MTCL1: variants seen among roughly 807,000 people sequenced by gnomAD.
The protein encoded by MTCL1 is microtubule cross-linking factor 1.
In MTCL1, 79 loss-of-function variants were observed where a neutral mutation model predicts 141.4. The ratio of observed to expected loss-of-function variants is 0.56; its 90% confidence interval spans 0.47 to 0.67. The LOEUF (loss-of-function observed/expected upper bound fraction) is 0.67. Among genes scored for constraint, MTCL1 ranks in the 30% least tolerant of loss-of-function variants. The pLI is 0.00. For missense variants in MTCL1, 2,177 were observed against 2,113.9 expected (o/e 1.03, Z -0.59); for synonymous variants, 914 against 875.8 (o/e 1.04, Z -0.77).
At chr18:8,809,860 A>G (rs2076423751) in intron 11 of MTCL1, 3 of 427,716 alleles carry the variant, frequency 7.0e-6, no homozygotes, top group South Asian at 2.9e-5. Context: ...CTGAAGATGT[A>G]TATACCTGGG....
chr18:8,733,735 C>T (rs1264568511), intron 4 of MTCL1, among the ~76,000 whole-genome samples: 1 of 152,126 alleles, frequency 6.6e-6, no homozygotes, highest in Non-Finnish European at 1.5e-5. Context: ...TTGAGAACCT[C>T]AAGCATTGGC....
Position 8,784,847 on chromosome 18 carries a change from A to AGGGGGCTG in MTCL1, c.1731+11_1731+12insGGGGGGCT. 1 of 1,577,316 alleles carries AGGGGGCTG rather than the reference A, an allele frequency of 6.3e-7. No individual in the cohort carries two copies. Among genetic ancestry groups the AGGGGGCTG allele is most frequent in the Non-Finnish European group, 8.6e-7 (1 of 1,159,662 alleles). Reference sequence around the variant, plus strand: ...GGAGCTGGGCCCAGACTTGCAGGTAAGGGGGCTCGTGGCTTCGCCTCCCTG... The same window carrying AGGGGGCTG: ...GGAGCTGGGCCCAGACTTGCAGGTAAGGGGGCTGGGGGGCTCGTGGCTTCGCCTCCCTG... On this transcript the variant is annotated splice_donor_region_variant and intron_variant, in intron 6 of 16. Coordinates refer to ENST00000359865, the Ensembl canonical transcript of MTCL1.
At chr18:8,823,432 C>T (rs1397250408) in intron 14 of MTCL1, among the ~76,000 whole-genome samples, 2 of 152,140 alleles carry the variant, frequency 1.3e-5, no homozygotes, top group Non-Finnish European at 2.9e-5. Context: ...GGCATGTGTC[C>T]GGCACTTACA....
chr18:8,764,646 G>A (rs1388141821), intron 4 of MTCL1, among the ~76,000 whole-genome samples: 1 of 151,914 alleles, frequency 6.6e-6, no homozygotes, highest in East Asian at 1.9e-4. Flanking sequence ...TTTTAAATAA[G>A]GAAATTGAGA....
intron 10 of MTCL1, among the ~76,000 whole-genome samples, chr18:8,803,008 G>A (rs904460519): frequency 3.3e-5 from 5 of 152,094 alleles, no homozygotes; most frequent in African/African-American, 1.2e-4. Flanking sequence ...TACCCAAAAG[G>A]TAACCCAGCA....
intron 11 of MTCL1, chr18:8,809,563 TGA>T (rs2076410343): frequency 1.3e-6 from 2 of 1,535,742 alleles, no homozygotes; most frequent in African/African-American, 2.7e-5. Flanking sequence ...AGATTGGAGG[TGA>T]GAGGGGTGAC....
chr18:8,814,948 A>G (rs1319293594), intron 12 of MTCL1, among the ~76,000 whole-genome samples: 2 of 152,240 alleles, frequency 1.3e-5, no homozygotes, highest in African/African-American at 4.8e-5. Context: ...CAACTTTCGA[A>G]AAGTCAGTGA....
chr18:8,778,013 A>G (rs2096518229), intron 5 of MTCL1, 121 bp downstream of exon 4: 2 of 853,872 alleles, frequency 2.3e-6, no homozygotes, highest in Non-Finnish European at 3.7e-6. Flanking sequence ...TACCTGCCCA[A>G]ACACGTGGAC....
chr18:8,816,109 T>A (rs180926201), intron 12 of MTCL1, among the ~76,000 whole-genome samples: 1 of 152,234 alleles, frequency 6.6e-6, no homozygotes, highest in Non-Finnish European at 1.5e-5. Flanking sequence ...GAAAAGAGGA[T>A]GTTGGTTCAA....
intron 12 of MTCL1, among the ~76,000 whole-genome samples, chr18:8,815,852 C>G (rs998275612): frequency 6.6e-6 from 1 of 152,084 alleles, no homozygotes; most frequent in South Asian, 2.1e-4. Flanking sequence ...ACGTGAGTTT[C>G]GGGCATGCAT....
intron 4 of MTCL1, among the ~76,000 whole-genome samples, chr18:8,733,987 A>G (rs1277948166): frequency 2.6e-5 from 4 of 152,132 alleles, no homozygotes; most frequent in African/African-American, 9.7e-5. Flanking sequence ...AAACGAGGTT[A>G]CTCACAGGGT....
chr18:8,718,300 A>G (rs1025462202), intron 2 of MTCL1, 124 bp from the exon 2 acceptor site: 3 of 925,866 alleles, frequency 3.2e-6, no homozygotes, highest in African/African-American at 1.6e-5. Flanking sequence ...AGGCGTGGCC[A>G]TGAGGTGATG....
intron 4 of MTCL1, 94 bp downstream of exon 3, chr18:8,720,590 G>T: frequency 7.6e-7 from 1 of 1,314,946 alleles, no homozygotes; most frequent in Non-Finnish European, 1.0e-6. Flanking sequence ...TCGAAAGCTG[G>T]GGTTGGCAAA....
chr18:8,778,806 G>T (rs991869143), intron 5 of MTCL1, among the ~76,000 whole-genome samples: 33 of 152,274 alleles, frequency 2.2e-4, no homozygotes, highest in African/African-American at 8.0e-4. Flanking sequence ...TGGGCTGAGA[G>T]TGTTTTCAGT....
chr18:8,737,725 G>A (rs1392923805), intron 4 of MTCL1, among the ~76,000 whole-genome samples: 1 of 152,184 alleles, frequency 6.6e-6, no homozygotes, highest in Non-Finnish European at 1.5e-5. Flanking sequence ...CCCATGGGGG[G>A]AAAGTAGCCC....
exon 1 of MTCL1, chr18:8,706,047 C>T: frequency 8.4e-7 from 1 of 1,185,954 alleles, no homozygotes; most frequent in Non-Finnish European, 1.0e-6. Context: ...CCCTGGGAAG[C>T]AGGAGGGCGG....
At chr18:8,740,377 T>C (rs2096296140) in intron 4 of MTCL1, among the ~76,000 whole-genome samples, 1 of 152,232 alleles carries the variant, frequency 6.6e-6, no homozygotes, top group Admixed American at 6.5e-5. Flanking sequence ...CAGTTTTATT[T>C]GTATGTTACA....
At chr18:8,724,810 C>T (rs1426659186) in intron 4 of MTCL1, among the ~76,000 whole-genome samples, 2 of 152,020 alleles carry the variant, frequency 1.3e-5, no homozygotes, top group Non-Finnish European at 2.9e-5. Context: ...TTAAAAGTTA[C>T]TTTCTCTATT....
intron 4 of MTCL1, among the ~76,000 whole-genome samples, chr18:8,733,211 G>A (rs1297725737): frequency 2.0e-5 from 3 of 152,246 alleles, no homozygotes; most frequent in Non-Finnish European, 2.9e-5. Context: ...GAGGTGAGAC[G>A]AGGCCGGGGA....
Sources: allele counts gnomAD v4.1 joint callset (sites outside exome capture counted in the v4.1 genomes callset), GRCh38; gene constraint gnomAD v4.1.1; transcripts MANE v1.5; gene names NCBI Gene and HGNC (gene_info 2026-07-23, HGNC 2026-07-21).